The following GINS2 variants were observed in gnomAD, a reference collection of about 807,000 sequenced individuals.
GINS2 encodes the protein DNA replication complex GINS protein PSF2.
A neutral mutation model predicts 21.2 loss-of-function variants in GINS2; 23 were observed. The observed-to-expected ratio is 1.08, with a 90% confidence interval of 0.78 to 1.53. GINS2 has a LOEUF of 1.53. GINS2 is among the 40% of genes most tolerant of loss of function. The pLI, the probability that GINS2 is intolerant of heterozygous loss-of-function variation, is 0.00. For synonymous variants in GINS2, 118 were observed against 85.6 expected (o/e 1.38, Z -2.09); for missense variants, 323 against 233.9 (o/e 1.38, Z -2.49).
chr16:85,679,751 T>G (rs2053716242), intron 3 of GINS2, among the ~76,000 whole-genome samples: 1 of 152,084 alleles, frequency 6.6e-6, no homozygotes, highest in African/African-American at 2.4e-5. Flanking sequence ...AATGCCAAAT[T>G]CTTACCTAGC....
chr16:85,683,002 C>A (rs1218981943), intron 2 of GINS2, among the ~76,000 whole-genome samples: 2 of 152,014 alleles, frequency 1.3e-5, no homozygotes, highest in African/African-American at 4.8e-5. Flanking sequence ...CACACACCAC[C>A]CCATCCCCCA....
At chr16:85,680,107 A>G (rs1598758664) in intron 3 of GINS2, among the ~76,000 whole-genome samples, 1 of 152,198 alleles carries the variant, frequency 6.6e-6, no homozygotes, top group Non-Finnish European at 1.5e-5. Context: ...CATTGGTCAC[A>G]CTGAAGATTC....
Position 85,678,210 on chromosome 16 carries a change from C to T in GINS2, c.*2G>A, listed in dbSNP as rs748877585. The T allele has an allele frequency of 4.1e-5, 66 of 1,612,934 alleles. No homozygotes were observed. The highest frequency in any genetic ancestry group is 5.5e-5 in the Non-Finnish European group (65 of 1,179,740). ...AGCAAGCCGCCTGCACCAGGCCTTT[C>T]TCTAGAAGTCCTGAGACTGAGTACT... On this transcript the variant is annotated 3_prime_UTR_variant, in exon 5 of 5. Transcript: ENST00000253462.
At chr16:85,682,115 C>T (rs962667601) in intron 2 of GINS2, among the ~76,000 whole-genome samples, 4 of 142,688 alleles carry the variant, frequency 2.8e-5, no homozygotes, top group Non-Finnish European at 6.0e-5. Flanking sequence ...CAGCTTCAAC[C>T]TCCTGGGCTC....
Position 85,688,817 on chromosome 16 carries a change from G to C in GINS2, c.82C>G (p.Leu28Val). 6.5e-7 allele frequency: 1 copy of C among 1,535,190 alleles called. No individual in the cohort carries two copies. The highest frequency in any genetic ancestry group is 8.8e-7 in the Non-Finnish European group (1 of 1,137,832). Residue 28 changes from leucine (L) to valine (V), a missense_variant, in exon 1 of 5, where the codon CTC (leucine) becomes GTC (valine). Physicochemically the swap from Leu to Val is conservative, Grantham distance 32. Transcript: ENST00000253462. ...IPNFSLDKIY[L>V]IGGDLGPFNP... ...GCGGGCCCAGGCCTCACCCCGATGAGGTAGATCTTGTCCAGACTGAAGTTG... is the reference window on the plus strand; with the variant it reads ...GCGGGCCCAGGCCTCACCCCGATGACGTAGATCTTGTCCAGACTGAAGTTG...
At position 85,678,532 on chromosome 16, in the gene GINS2, G is replaced by A; in HGVS notation, c.432+8C>T. 3 of 1,611,910 alleles carry A rather than the reference G, an allele frequency of 1.9e-6. No individual in the cohort carries two copies. Among genetic ancestry groups the A allele is most frequent in the South Asian group, 2.2e-5 (2 of 90,942 alleles). On this transcript the variant is annotated splice_region_variant and intron_variant, in intron 4 of 4. Transcript: ENST00000253462. Reference sequence around the variant, plus strand: ...AGGCCACCAGCACCCAGGCAAGGCGGCACCTACCTTGGCATGTGCCTCCTG... The same window carrying A: ...AGGCCACCAGCACCCAGGCAAGGCGACACCTACCTTGGCATGTGCCTCCTG...
Position 85,678,531 on chromosome 16 carries a change from G to A in GINS2, c.432+9C>T, listed in dbSNP as rs199921559. On this transcript the variant is annotated intron_variant, in intron 4 of 4. Transcript: ENST00000253462. ...AAGGCCACCAGCACCCAGGCAAGGC[G>A]GCACCTACCTTGGCATGTGCCTCCT... 208 of 1,611,850 alleles carry A rather than the reference G, an allele frequency of 1.3e-4. No individual in the cohort carries two copies. The African/African-American group carries it at 2.2e-3, about 17-fold the overall frequency.
intron 3 of GINS2, 153 bp downstream of exon 3, chr16:85,681,429 G>C: frequency 1.7e-6 from 1 of 598,508 alleles, no homozygotes; most frequent in Non-Finnish European, 3.0e-6. Context: ...GTACACAGAT[G>C]ACCTCATGGT....
chr16:85,685,670 C>CAAAAAAAAAAAAAAAAAAAAAAAAAAAAA (rs752631926), intron 2 of GINS2, among the ~76,000 whole-genome samples: 17 of 55,282 alleles, frequency 3.1e-4, no homozygotes, highest in South Asian at 1.3e-3. Flanking sequence ...GACCCTTTCT[C>CAAAAAAAAAAAAAAAAAAAAAAAAAAAAA]AAAAAAAAAA....
intron 2 of GINS2, among the ~76,000 whole-genome samples, chr16:85,684,012 T>C (rs780954636): frequency 1.3e-5 from 2 of 152,076 alleles, no homozygotes; most frequent in Non-Finnish European, 2.9e-5. Flanking sequence ...AAGAAACATA[T>C]CCATGAAAAG....
chr16:85,687,399 G>A (rs1273761609), intron 2 of GINS2, 61 bp downstream of exon 2: 3 of 948,116 alleles, frequency 3.2e-6, no homozygotes, highest in East Asian at 5.5e-5. Context: ...CCCCGTGGGA[G>A]AGGGCGTCAC....
chr16:85,684,385 C>T (rs923928334), intron 2 of GINS2, among the ~76,000 whole-genome samples: 2 of 152,160 alleles, frequency 1.3e-5, no homozygotes, highest in Non-Finnish European at 2.9e-5. Flanking sequence ...GTCCCAGCTA[C>T]TAGGGAGGCT....
chr16:85,686,896 T>C (rs982951374), intron 2 of GINS2, among the ~76,000 whole-genome samples: 1 of 152,254 alleles, frequency 6.6e-6, no homozygotes, highest in African/African-American at 2.4e-5. Flanking sequence ...TTATTTAAGG[T>C]CATATATTTA....
intron 1 of GINS2, 38 bp downstream of exon 1, chr16:85,688,771 G>C (rs956306351): frequency 1.5e-6 from 2 of 1,350,478 alleles, no homozygotes; most frequent in African/African-American, 1.5e-5. Context: ...GACGCGCCCA[G>C]CCCGGCCTCC....
At chr16:85,682,021 CTTTTTTTTTTTTTTTTTT>C (rs56847154) in intron 2 of GINS2, among the ~76,000 whole-genome samples, 1 of 73,336 alleles carries the variant, frequency 1.4e-5, no homozygotes, top group African/African-American at 5.9e-5. Flanking sequence ...CCTTTACCGC[CTTTTTTTTTTTTTTTTTT>C]TTTTTTTTTG....
Position 85,678,325 on chromosome 16 carries a change from T to A in GINS2, c.445A>T (p.Thr149Ser). ...QEAHAKLDNL[T>S]LMEINTSGTF... ...CCGCTGGTGTTGATCTCCATCAAGG[T>A]CAAGTTATCCAGCTAAAGCAAGAAA... is the stretch of plus-strand genomic sequence containing the variant. Residue 149 changes from threonine (T) to serine (S), a missense_variant, in exon 5 of 5, where the codon ACC becomes TCC. By Grantham distance (58) the Thr-to-Ser change is moderately conservative. Transcript: ENST00000253462. 1 of 1,613,098 alleles carries A rather than the reference T, an allele frequency of 6.2e-7. No individual in the cohort carries two copies. Among genetic ancestry groups the A allele is most frequent in the Non-Finnish European group, 8.5e-7 (1 of 1,179,632 alleles).
Position 85,678,535 on chromosome 16 carries a change from C to T in GINS2, c.432+5G>A. 7 of 1,612,320 alleles carry T rather than the reference C, an allele frequency of 4.3e-6. No homozygotes were observed. The highest frequency in any genetic ancestry group is 5.1e-6 in the Non-Finnish European group (6 of 1,179,342). On this transcript the variant is annotated splice_donor_5th_base_variant and intron_variant, in intron 4 of 4. Coordinates refer to ENST00000253462, the MANE Select transcript of GINS2 (RefSeq NM_016095.3). ...CCACCAGCACCCAGGCAAGGCGGCA[C>T]CTACCTTGGCATGTGCCTCCTGCTG...
chr16:85,678,813 G>C, intron 3 of GINS2, 147 bp from the exon 4 acceptor site: 2 of 758,798 alleles, frequency 2.6e-6, no homozygotes, highest in Non-Finnish European at 4.3e-6. Context: ...AGGGTGTAAA[G>C]ATTTGTAGCA....
Position 85,688,840 on chromosome 16 carries a change from T to A in GINS2, c.59A>T (p.Asn20Ile), listed in dbSNP as rs772238729. 6.5e-7 allele frequency: 1 copy of A among 1,545,412 alleles called. No homozygotes were observed. The highest frequency in any genetic ancestry group is 8.7e-7 in the Non-Finnish European group (1 of 1,143,960). Residue 20 changes from asparagine to isoleucine, a missense_variant, in exon 1 of 5, where the codon AAC becomes ATC. Coordinates refer to ENST00000253462, the MANE Select transcript of GINS2 (RefSeq NM_016095.3). ...AEKELVTIIPNFSLDKIYLIG... is the reference protein window; with the variant it reads ...AEKELVTIIPIFSLDKIYLIG... ...GAGGTAGATCTTGTCCAGACTGAAG[T>A]TGGGGATAATGGTAACCAGCTCCTT... is the stretch of plus-strand genomic sequence containing the variant.
Sources: allele counts gnomAD v4.1 joint callset (sites outside exome capture counted in the v4.1 genomes callset), GRCh38; gene constraint gnomAD v4.1.1; transcripts MANE v1.5; gene names NCBI Gene and HGNC (gene_info 2026-07-23, HGNC 2026-07-21).